The following SCRG1 variants were observed in gnomAD, a reference collection of about 807,000 sequenced individuals.
SCRG1 encodes stimulator of chondrogenesis 1.
SCRG1 carries 3 observed loss-of-function variants against 7.7 expected under a neutral mutation model. The observed-to-expected ratio is 0.39, with a 90% CI of 0.18 to 1.01. The LOEUF is 1.01. Ranked by LOEUF, SCRG1 falls within the 50% of genes least tolerant of loss-of-function variation. SCRG1 has a pLI of 0.36. For missense variants in SCRG1, 110 were observed against 117.2 expected (o/e 0.94, Z 0.28); for synonymous variants, 46 against 41.2 (o/e 1.12, Z -0.44).
chr4:173,461,754 A>C, the SCRG1 span, among the ~76,000 whole-genome samples: 1 of 152,078 alleles, frequency 6.6e-6, no homozygotes, highest in African/African-American at 2.4e-5. Context: ...AAACAGAGAT[A>C]CGTGACCTTT....
chr4:173,411,143 G>A (rs1333308946), upstream of SCRG1, among the ~76,000 whole-genome samples: 4 of 152,162 alleles, frequency 2.6e-5, no homozygotes, highest in Non-Finnish European at 5.9e-5. Flanking sequence ...GAGATTTCCC[G>A]TTTTATTGTT....
the SCRG1 span, among the ~76,000 whole-genome samples, chr4:173,452,084 T>C: frequency 6.6e-6 from 1 of 152,058 alleles, no homozygotes; most frequent in Admixed American, 6.6e-5. Flanking sequence ...ATTGTCACCA[T>C]CTTCATGACA....
the SCRG1 span, among the ~76,000 whole-genome samples, chr4:173,493,996 T>G: frequency 6.6e-6 from 1 of 152,194 alleles, no homozygotes; most frequent in East Asian, 1.9e-4. Context: ...TAACAAAATT[T>G]GAAAACTGAA....
the SCRG1 span, among the ~76,000 whole-genome samples, chr4:173,507,894 G>A: frequency 6.6e-6 from 1 of 152,254 alleles, no homozygotes; most frequent in East Asian, 1.9e-4. This position sits in a 1 kb window ranked among gnomAD's most constrained non-coding sequence, Gnocchi z 4.4. Flanking sequence ...TTCCAAAGCA[G>A]GCAGCGAGGC....
the SCRG1 span, among the ~76,000 whole-genome samples, chr4:173,413,631 G>T: frequency 1.3e-5 from 2 of 152,308 alleles, no homozygotes; most frequent in Middle Eastern, 3.4e-3. Context: ...GCCAGGTAAA[G>T]GTTCAGGAAA....
chr4:173,488,216 G>A, the SCRG1 span, among the ~76,000 whole-genome samples: 1 of 152,098 alleles, frequency 6.6e-6, no homozygotes, highest in Non-Finnish European at 1.5e-5. Context: ...TGGCTAAACT[G>A]GGACATTTAG....
At chr4:173,483,822 A>C in the SCRG1 span, among the ~76,000 whole-genome samples, 52 of 16,808 alleles carry the variant, frequency 3.1e-3, 10 homozygotes, top group Admixed American at 0.016. Context: ...TAATATATAT[A>C]ATATATATAA....
chr4:173,493,943 T>G, the SCRG1 span, among the ~76,000 whole-genome samples: 2 of 152,172 alleles, frequency 1.3e-5, no homozygotes, highest in African/African-American at 4.8e-5. Flanking sequence ...TTCTCCCCTG[T>G]CCCTGTTAAA....
the SCRG1 span, among the ~76,000 whole-genome samples, chr4:173,472,061 C>A: frequency 2.0e-5 from 3 of 152,142 alleles, no homozygotes; most frequent in Admixed American, 1.3e-4. Flanking sequence ...CACTTGGGTG[C>A]CTTCTTTTTC....
At chr4:173,395,673 G>T (rs1449930180) in intron 1 of SCRG1, among the ~76,000 whole-genome samples, 1 of 152,184 alleles carries the variant, frequency 6.6e-6, no homozygotes, top group African/African-American at 2.4e-5. Flanking sequence ...TGTTCCCAAA[G>T]CACTTATATA....
chr4:173,516,307 C>T, the SCRG1 span, among the ~76,000 whole-genome samples: 1 of 152,178 alleles, frequency 6.6e-6, no homozygotes, highest in Non-Finnish European at 1.5e-5. Flanking sequence ...TTTGTCTAGG[C>T]CAGATTAGCA....
At chr4:173,389,331 G>A (rs1441783819) in intron 2 of SCRG1, among the ~76,000 whole-genome samples, 1 of 151,970 alleles carries the variant, frequency 6.6e-6, no homozygotes, top group African/African-American at 2.4e-5. Flanking sequence ...TCAGGATATC[G>A]AGACCATCCT....
At chr4:173,476,379 T>TATATATATATATATATATATATATAA in the SCRG1 span, among the ~76,000 whole-genome samples, 1 of 137,254 alleles carries the variant, frequency 7.3e-6, no homozygotes, top group South Asian at 2.3e-4. Flanking sequence ...TATATATATA[T>TATATATATATATATATATATATATAA]AATGAATTGA....
At chr4:173,439,419 GGGA>G in the SCRG1 span, among the ~76,000 whole-genome samples, 27 of 151,782 alleles carry the variant, frequency 1.8e-4, 1 homozygote, top group Non-Finnish European at 2.9e-5. Flanking sequence ...CCAGCTACTT[GGGA>G]GGAGATCACT....
At chr4:173,390,536 G>A (rs1328957654) in intron 2 of SCRG1, among the ~76,000 whole-genome samples, 3 of 149,866 alleles carry the variant, frequency 2.0e-5, no homozygotes, top group Non-Finnish European at 3.0e-5. Flanking sequence ...GCAATGGTGC[G>A]ATCTCGGCTC....
chr4:173,504,138 C>T, the SCRG1 span, among the ~76,000 whole-genome samples: 31 of 152,134 alleles, frequency 2.0e-4, no homozygotes, highest in Non-Finnish European at 4.0e-4. The surrounding 1 kb of genome is among the most constrained non-coding windows in gnomAD (Gnocchi z 4.7). Context: ...CGCTCTCAGC[C>T]TTCACACAAA....
the SCRG1 span, among the ~76,000 whole-genome samples, chr4:173,478,404 A>T: frequency 2.0e-5 from 3 of 152,116 alleles, no homozygotes; most frequent in Non-Finnish European, 4.4e-5. Flanking sequence ...AAAAAAAACC[A>T]GTCCTGGTCT....
the SCRG1 span, among the ~76,000 whole-genome samples, chr4:173,430,806 C>CAAA: frequency 8.5e-5 from 5 of 59,102 alleles, no homozygotes; most frequent in African/African-American, 2.9e-4. Flanking sequence ...GACCCTGTCT[C>CAAA]AAAAAAAAAA....
chr4:173,400,216 G>A (rs868035484), upstream of SCRG1, among the ~76,000 whole-genome samples: 1 of 152,146 alleles, frequency 6.6e-6, no homozygotes, highest in African/African-American at 2.4e-5. Context: ...AGATAGGAAG[G>A]AAAACTGAAA....
Sources: allele counts gnomAD v4.1 joint callset (sites outside exome capture counted in the v4.1 genomes callset), GRCh38; gene constraint gnomAD v4.1.1; non-coding constraint Gnocchi (gnomAD v3.1); transcripts MANE v1.5; gene names NCBI Gene and HGNC (gene_info 2026-07-23, HGNC 2026-07-21).